The following VCL variants were observed in gnomAD, a reference collection of about 807,000 sequenced individuals.
VCL encodes the protein epididymis luminal protein 114.
Under a neutral mutation model 125.7 loss-of-function variants are expected in VCL, and 47 were observed. That is an observed-to-expected ratio of 0.37 (90% CI 0.30 to 0.48). The LOEUF (loss-of-function observed/expected upper bound fraction) is 0.48. Among genes scored for constraint, VCL ranks in the 20% least tolerant of loss-of-function variants. The probability of loss-of-function intolerance (pLI) is 0.99; values close to 1 mark genes in which losing one functional copy is unlikely to be tolerated. For synonymous variants in VCL, 458 were observed against 514.6 expected (o/e 0.89, Z 1.49); for missense variants, 1,069 against 1,455.5 (o/e 0.73, Z 4.32).
chr10:74,096,612 A>G (rs1424880734), intron 12 of VCL, among the ~76,000 whole-genome samples: 1 of 152,206 alleles, frequency 6.6e-6, no homozygotes, highest in Non-Finnish European at 1.5e-5. Context: ...TGTGATGACT[A>G]TGAAAAAGAG....
At chr10:74,016,057 T>C (rs990136186) in intron 1 of VCL, among the ~76,000 whole-genome samples, 3 of 151,950 alleles carry the variant, frequency 2.0e-5, no homozygotes, top group Non-Finnish European at 4.4e-5. Flanking sequence ...TCTTGAACTC[T>C]TGAGCTCAAG....
Position 74,043,063 on chromosome 10 carries a change from G to C in VCL, c.169-20G>C, listed in dbSNP as rs1309271037. The C allele has an allele frequency of 6.2e-7, 1 of 1,606,542 alleles. No individual in the cohort carries two copies. Among genetic ancestry groups the C allele is most frequent in the African/African-American group, 1.3e-5 (1 of 74,738 alleles). ...GTCTGAGAATTTATATTTGAATTAT[G>C]ATTTTTTTTCCTCTTGTAGGTTGGA... On this transcript the variant is annotated intron_variant, in intron 1 of 21. Coordinates refer to ENST00000211998, the MANE Select transcript of VCL (RefSeq NM_014000.3).
At chr10:74,038,741 C>T (rs1416853027) in intron 1 of VCL, among the ~76,000 whole-genome samples, 1 of 152,082 alleles carries the variant, frequency 6.6e-6, no homozygotes, top group Non-Finnish European at 1.5e-5. Flanking sequence ...TAGTAATTAC[C>T]TCTACTGAGG....
rs1183306992 is a variant in VCL, at chr10:73,998,230, C to A, written c.23C>A (p.Thr8Lys). 6.2e-7 allele frequency: 1 copy of A among 1,612,974 alleles called. No homozygotes were observed. Among genetic ancestry groups the A allele is most frequent in the Admixed American group, 1.7e-5 (1 of 59,964 alleles). Residue 8 changes from threonine to lysine, a missense_variant, in exon 1 of 22, where the codon ACG becomes AAG. Physicochemically the swap from Thr to Lys is moderately conservative, Grantham distance 78. Around this residue, in one of 6 missense-constraint regions of VCL, gnomAD observed 96 missense variants for 137.6 expected, o/e 0.70. Transcript: ENST00000211998. ...GCGATGCCAGTGTTTCATACGCGCACGATCGAGAGCATCCTGGAGCCGGTG... is the reference window on the plus strand; with the variant it reads ...GCGATGCCAGTGTTTCATACGCGCAAGATCGAGAGCATCCTGGAGCCGGTG... The part of the protein sequence containing the change: MPVFHTR[T>K]IESILEPVAQ...
intron 14 of VCL, among the ~76,000 whole-genome samples, chr10:74,101,379 G>A (rs1207356984): frequency 6.6e-6 from 1 of 151,696 alleles, no homozygotes; most frequent in African/African-American, 2.4e-5. Flanking sequence ...ACAGCTATTT[G>A]TGAGGCTGAG....
At chr10:74,004,809 A>G (rs1362501076) in intron 1 of VCL, among the ~76,000 whole-genome samples, 1 of 151,270 alleles carries the variant, frequency 6.6e-6, no homozygotes, top group Admixed American at 6.6e-5. Context: ...GGTTCAAGCG[A>G]TTCTCCTGCC....
At chr10:74,100,472 G>A (rs1840034389) in intron 13 of VCL, among the ~76,000 whole-genome samples, 1 of 152,220 alleles carries the variant, frequency 6.6e-6, no homozygotes, top group Admixed American at 6.5e-5. Context: ...ATATATGAAG[G>A]ATGCTGCTCT....
intron 14 of VCL, 87 bp from the exon 15 acceptor site, chr10:74,103,733 G>A: frequency 1.6e-6 from 2 of 1,250,642 alleles, no homozygotes; most frequent in Non-Finnish European, 2.3e-6. Context: ...AGTGCCATCT[G>A]TAGGTAAAGA....
intron 8 of VCL, among the ~76,000 whole-genome samples, chr10:74,085,135 C>A (rs914596625): frequency 1.3e-5 from 2 of 152,178 alleles, no homozygotes; most frequent in African/African-American, 2.4e-5. Flanking sequence ...AAACTCCTGG[C>A]CTCAAGTGAT....
chr10:74,026,807 G>A (rs1215819188), intron 1 of VCL, among the ~76,000 whole-genome samples: 1 of 152,160 alleles, frequency 6.6e-6, no homozygotes, highest in Non-Finnish European at 1.5e-5. Context: ...TCAGATTGCT[G>A]CATTCCAAAG....
Position 74,094,343 on chromosome 10 carries a change from C to G in VCL, c.1425C>G (p.Thr475=). The G allele has an allele frequency of 6.2e-7, 1 of 1,614,166 alleles. No homozygotes were observed. Among genetic ancestry groups the G allele is most frequent in the Non-Finnish European group, 8.5e-7 (1 of 1,180,034 alleles). The change falls in exon 11 of 22, where the codon ACC becomes ACG. Residue 475 remains threonine (T), a synonymous_variant. Transcript: ENST00000211998. ...QVATALQNLQ[T]KTNRAVANSR... The stretch of plus-strand genomic sequence containing the variant: ...CCACGGCCCTGCAGAACCTGCAGAC[C>G]AAAACCAACCGGGCTGTGGCCAACA...
intron 1 of VCL, among the ~76,000 whole-genome samples, chr10:74,041,737 C>CAA (rs397969218): frequency 5.8e-4 from 79 of 136,826 alleles, no homozygotes; most frequent in Non-Finnish European, 9.2e-4. Flanking sequence ...ACTAAAAATC[C>CAA]AAAAAAAAAA....
intron 2 of VCL, among the ~76,000 whole-genome samples, chr10:74,048,936 G>A (rs1052861636): frequency 7.2e-5 from 11 of 151,980 alleles, no homozygotes; most frequent in Admixed American, 1.3e-4. Flanking sequence ...GTGAAACCCC[G>A]TCTCTACTAA....
intron 6 of VCL, chr10:74,076,623 T>A (rs1839590966): frequency 1.3e-5 from 2 of 152,620 alleles, no homozygotes; most frequent in Admixed American, 1.3e-4. Context: ...GAGGGTAGGC[T>A]AGAGAGCTTA....
intron 10 of VCL, among the ~76,000 whole-genome samples, chr10:74,091,974 TCTTG>T (rs1839896343): frequency 6.6e-6 from 1 of 152,046 alleles, no homozygotes; most frequent in Non-Finnish European, 1.5e-5. Flanking sequence ...AGTGGCGTGA[TCTTG>T]GCTCACTGCA....
chr10:74,003,195 C>T (rs891004225), intron 1 of VCL, among the ~76,000 whole-genome samples: 3 of 151,930 alleles, frequency 2.0e-5, no homozygotes, highest in Non-Finnish European at 2.9e-5. Context: ...GCCTCAGCCT[C>T]CCAGGTAGCA....
intron 1 of VCL, among the ~76,000 whole-genome samples, chr10:74,037,060 G>A (rs1461008573): frequency 1.3e-5 from 2 of 151,858 alleles, no homozygotes; most frequent in African/African-American, 2.4e-5. Context: ...ACAGGCGCCC[G>A]CCACCACGCC....
In VCL at chr10:73,998,153, C is replaced by G. The variant is rs1249526329; in HGVS notation, c.-55C>G. The G allele has an allele frequency of 7.5e-6, 12 of 1,590,792 alleles. No homozygotes were observed. Among genetic ancestry groups the G allele is most frequent in the Non-Finnish European group, 1.0e-5 (12 of 1,168,924 alleles). On this transcript the variant is annotated 5_prime_UTR_variant, in exon 1 of 22. Coordinates refer to ENST00000211998, the MANE Select transcript of VCL (RefSeq NM_014000.3). ...GTCTGTCTCTTCGCCGGTTCCCGGC[C>G]CCGTGGATCCTACTTCTCTGTCGCC...
chr10:74,052,125 C>T (rs932366346), intron 2 of VCL, among the ~76,000 whole-genome samples: 4 of 152,008 alleles, frequency 2.6e-5, no homozygotes, highest in East Asian at 1.9e-4. Context: ...TGGGTGTTGC[C>T]GTGGCAATGG....
Sources: gnomAD v4.1 joint callset for allele counts (sites outside exome capture counted in the v4.1 genomes callset) on GRCh38, gnomAD v4.1.1 for gene constraint, gnomAD v4.1.1 regional missense constraint, MANE v1.5 for transcripts, NCBI Gene and HGNC (gene_info 2026-07-23, HGNC 2026-07-21) for gene names.